The following PPARGC1A variants were observed in gnomAD, a reference collection of about 807,000 sequenced individuals.
PPARGC1A encodes PPARG coactivator 1 alpha, also known as peroxisome proliferator-activated receptor gamma coactivator 1-alpha.
A neutral mutation model predicts 88.7 loss-of-function variants in PPARGC1A; 25 were observed. The observed-to-expected ratio is 0.28, with a 90% CI of 0.21 to 0.39. PPARGC1A has a LOEUF of 0.39. Ranked by LOEUF, PPARGC1A falls within the 10% of genes least tolerant of loss-of-function variation. The probability of loss-of-function intolerance (pLI) is 1.00; values close to 1 mark genes in which losing one functional copy is unlikely to be tolerated. For missense variants in PPARGC1A, 880 were observed against 968.7 expected (o/e 0.91, Z 1.22); for synonymous variants, 363 against 355.6 (o/e 1.02, Z -0.24).
chr4:24,167,643 A>G, the PPARGC1A span, among the ~76,000 whole-genome samples: 1 of 152,232 alleles, frequency 6.6e-6, no homozygotes, highest in Non-Finnish European at 1.5e-5. Flanking sequence ...CTGATCAGTC[A>G]GCAAATATCA....
the PPARGC1A span, among the ~76,000 whole-genome samples, chr4:24,171,074 G>A: frequency 6.6e-6 from 1 of 151,942 alleles, no homozygotes; most frequent in African/African-American, 2.4e-5. Context: ...TCATGCCTAT[G>A]TCCAAATGTT....
At chr4:24,049,322 A>ATATATATG in the PPARGC1A span, among the ~76,000 whole-genome samples, 122 of 141,978 alleles carry the variant, frequency 8.6e-4, 1 homozygote, top group Middle Eastern at 3.6e-3. Flanking sequence ...ATATATATAT[A>ATATATATG]TGTGTGTGTG....
the PPARGC1A span, among the ~76,000 whole-genome samples, chr4:23,938,298 T>C: frequency 6.6e-6 from 1 of 152,202 alleles, no homozygotes; most frequent in South Asian, 2.1e-4. Flanking sequence ...CCCTGGAAGG[T>C]AGAGGCACCA....
chr4:24,163,016 T>C, the PPARGC1A span, among the ~76,000 whole-genome samples: 1 of 151,790 alleles, frequency 6.6e-6, no homozygotes, highest in African/African-American at 2.4e-5. Flanking sequence ...TTTTTGTCCA[T>C]CTCCTTTTCT....
the PPARGC1A span, among the ~76,000 whole-genome samples, chr4:24,331,767 T>TTATATA: frequency 0.035 from 5,022 of 143,538 alleles, 80 homozygotes; most frequent in African/African-American, 0.05. Flanking sequence ...TGTGTTTATT[T>TTATATA]TATATATATA....
the PPARGC1A span, among the ~76,000 whole-genome samples, chr4:23,942,817 C>T: frequency 6.6e-6 from 1 of 152,136 alleles, no homozygotes; most frequent in Non-Finnish European, 1.5e-5. Flanking sequence ...TTTCTTCATG[C>T]ACCAATAAAC....
chr4:23,986,320 G>A, the PPARGC1A span, among the ~76,000 whole-genome samples: 7 of 152,134 alleles, frequency 4.6e-5, no homozygotes, highest in South Asian at 2.1e-4. Context: ...ACTTTGGTTC[G>A]TGGCATTCTT....
At chr4:23,988,335 A>G in the PPARGC1A span, among the ~76,000 whole-genome samples, 20 of 152,126 alleles carry the variant, frequency 1.3e-4, no homozygotes, top group Middle Eastern at 3.4e-3. Context: ...TGGTATTTCT[A>G]GTTCTAGATC....
chr4:24,176,420 A>G, the PPARGC1A span, among the ~76,000 whole-genome samples: 1 of 152,134 alleles, frequency 6.6e-6, no homozygotes, highest in African/African-American at 2.4e-5. Flanking sequence ...TGGGAGGAGA[A>G]ATGGAGGGGC....
the PPARGC1A span, among the ~76,000 whole-genome samples, chr4:24,263,053 A>G: frequency 6.6e-6 from 1 of 152,236 alleles, no homozygotes; most frequent in Non-Finnish European, 1.5e-5. Flanking sequence ...GTCAACAAGT[A>G]CAGAAAACAA....
At position 23,813,953 on chromosome 4, in the gene PPARGC1A, C is replaced by A. The variant is rs1368761182; in HGVS notation, c.1530G>T (p.Leu510=). 6.2e-7 allele frequency: 1 copy of A among 1,613,982 alleles called. No homozygotes were observed. Among genetic ancestry groups the A allele is most frequent in the Non-Finnish European group, 8.5e-7 (1 of 1,179,980 alleles). ...FINSGLAMDG[L]FDDSEDESDK... Reference sequence around the variant, plus strand: ...CACTTTCATCTTCGCTGTCATCAAACAGGCCATCCATGGCTAGTCCTGAAT... The same window carrying A: ...CACTTTCATCTTCGCTGTCATCAAAAAGGCCATCCATGGCTAGTCCTGAAT... The change falls in exon 8 of 13, where the codon CTG becomes CTT. Residue 510 remains leucine, a synonymous_variant. Coordinates refer to ENST00000264867, the MANE Select transcript of PPARGC1A (RefSeq NM_013261.5).
intron 2 of PPARGC1A, among the ~76,000 whole-genome samples, chr4:23,843,453 T>G: frequency 6.6e-6 from 1 of 152,058 alleles, no homozygotes. Context: ...AGCTAATCCA[T>G]GCAAATCATA....
At chr4:24,019,694 G>C in the PPARGC1A span, among the ~76,000 whole-genome samples, 6 of 152,106 alleles carry the variant, frequency 3.9e-5, no homozygotes, top group Non-Finnish European at 8.8e-5. Context: ...TCAGAAAATG[G>C]GGCTATAAAA....
In PPARGC1A at chr4:23,824,512, A is replaced by C. The variant is rs1332083604; in HGVS notation, c.758-4T>G. On this transcript the variant is annotated splice_region_variant and splice_polypyrimidine_tract_variant and intron_variant, in intron 5 of 12. Transcript: ENST00000264867. ...AGAGATAAAGTTGTTGGTTTGGCTA[A>C]AGAAAAAAAAAAGAAACTAATTATG... 6.3e-7 allele frequency: 1 copy of C among 1,591,802 alleles called. No homozygotes were observed. Among genetic ancestry groups the C allele is most frequent in the Admixed American group, 1.7e-5 (1 of 57,582 alleles).
the PPARGC1A span, among the ~76,000 whole-genome samples, chr4:24,412,013 C>G: frequency 6.6e-6 from 1 of 152,178 alleles, no homozygotes; most frequent in African/African-American, 2.4e-5. Context: ...GTTTTCATCT[C>G]CGTTTGGGTA....
At chr4:24,292,106 GC>G in the PPARGC1A span, among the ~76,000 whole-genome samples, 1 of 152,148 alleles carries the variant, frequency 6.6e-6, no homozygotes, top group Non-Finnish European at 1.5e-5. Flanking sequence ...GGGAGATTCA[GC>G]CACGCTGAAG....
chr4:23,947,703 C>G, the PPARGC1A span, among the ~76,000 whole-genome samples: 1 of 152,068 alleles, frequency 6.6e-6, no homozygotes, highest in Non-Finnish European at 1.5e-5. Flanking sequence ...GATCATGCTT[C>G]TCCATGCCCA....
the PPARGC1A span, among the ~76,000 whole-genome samples, chr4:23,930,266 G>A: frequency 1.3e-5 from 2 of 152,272 alleles, no homozygotes; most frequent in Admixed American, 1.3e-4. Flanking sequence ...GATTTTTGGT[G>A]TAACAGCCCT....
At chr4:23,924,508 G>C in the PPARGC1A span, among the ~76,000 whole-genome samples, 1 of 152,114 alleles carries the variant, frequency 6.6e-6, no homozygotes, top group Non-Finnish European at 1.5e-5. Context: ...TGTAGTCCCA[G>C]CTACTTAGGA....
Sources: allele counts gnomAD v4.1 joint callset (sites outside exome capture counted in the v4.1 genomes callset), GRCh38; gene constraint gnomAD v4.1.1; transcripts MANE v1.5; gene names NCBI Gene and HGNC (gene_info 2026-07-23, HGNC 2026-07-21).